TUSC3: variants seen among roughly 807,000 people sequenced by gnomAD.
TUSC3 encodes dolichyl-diphosphooligosaccharide--protein glycosyltransferase subunit TUSC3.
In TUSC3, 45 loss-of-function variants were observed where a neutral mutation model predicts 44.8. The ratio of observed to expected loss-of-function variants is 1.00; its 90% CI spans 0.79 to 1.29. The LOEUF is 1.29. TUSC3 is among the 50% of genes most tolerant of loss of function. TUSC3 has a pLI of 0.00. For missense variants in TUSC3, 519 were observed against 437.9 expected (o/e 1.19, Z -1.65); for synonymous variants, 212 against 152.9 (o/e 1.39, Z -2.85).
intron 1 of TUSC3, among the ~76,000 whole-genome samples, chr8:15,616,169 G>C (rs1216742016): frequency 6.8e-6 from 1 of 147,318 alleles, no homozygotes; most frequent in African/African-American, 2.5e-5. Context: ...TAAAAGTAGA[G>C]ATCTTGATTT....
chr8:15,710,681 G>A (rs1809804679), intron 6 of TUSC3, among the ~76,000 whole-genome samples: 1 of 151,562 alleles, frequency 6.6e-6, no homozygotes, highest in Non-Finnish European at 1.5e-5. Flanking sequence ...CACCTTTGTA[G>A]CAAGATTCCC....
the TUSC3 span, among the ~76,000 whole-genome samples, chr8:15,844,036 C>T: frequency 7.9e-5 from 12 of 152,072 alleles, no homozygotes; most frequent in African/African-American, 1.7e-4. Flanking sequence ...TCAATTTCAG[C>T]GAATCTGTAA....
chr8:15,533,248 C>A (rs1801475112), intron 2 of TUSC3, among the ~76,000 whole-genome samples: 1 of 152,154 alleles, frequency 6.6e-6, no homozygotes, highest in Non-Finnish European at 1.5e-5. Context: ...CTTTTTCTTC[C>A]CGGTCTTGGG....
chr8:15,477,222 T>C (rs1424462731), intron 1 of TUSC3, among the ~76,000 whole-genome samples: 4 of 152,188 alleles, frequency 2.6e-5, no homozygotes, highest in Non-Finnish European at 5.9e-5. Flanking sequence ...CTCAATTCCA[T>C]TGACCAAATT....
intron 7 of TUSC3, chr8:15,733,479 A>G (rs1810806580): frequency 3.0e-6 from 1 of 332,070 alleles, no homozygotes; most frequent in African/African-American, 2.2e-5. Context: ...AGCTGTGTTG[A>G]GATCATCCTT....
chr8:15,761,334 G>C (rs1344191748), intron 10 of TUSC3, among the ~76,000 whole-genome samples: 1 of 152,170 alleles, frequency 6.6e-6, no homozygotes, highest in Non-Finnish European at 1.5e-5. Context: ...TGTGTAAACA[G>C]TCTCTCTGCA....
At chr8:15,502,768 G>A (rs1303799225) in intron 2 of TUSC3, among the ~76,000 whole-genome samples, 1 of 152,210 alleles carries the variant, frequency 6.6e-6, no homozygotes. Flanking sequence ...TGGGATTACA[G>A]GCATGAGCTA....
chr8:15,589,494 G>A (rs759107057), intron 1 of TUSC3, among the ~76,000 whole-genome samples: 1 of 151,952 alleles, frequency 6.6e-6, no homozygotes, highest in Non-Finnish European at 1.5e-5. Context: ...TATAAAGAGG[G>A]GTTTAACATG....
chr8:15,815,229 T>C, the TUSC3 span, among the ~76,000 whole-genome samples: 3 of 151,962 alleles, frequency 2.0e-5, no homozygotes, highest in Non-Finnish European at 2.9e-5. Flanking sequence ...ATATGAAAGA[T>C]AGATAGACTA....
the TUSC3 span, among the ~76,000 whole-genome samples, chr8:15,846,134 G>A: frequency 2.0e-5 from 3 of 152,128 alleles, no homozygotes; most frequent in Admixed American, 6.6e-5. Flanking sequence ...CACAACATGT[G>A]GGAATTCTGG....
At chr8:15,473,409 A>G (rs1256309169) in intron 1 of TUSC3, among the ~76,000 whole-genome samples, 1 of 152,216 alleles carries the variant, frequency 6.6e-6, no homozygotes. Context: ...ATACTATAGA[A>G]AAAACTTGGC....
chr8:15,540,979 A>C (rs906616463), intron 1 of TUSC3, among the ~76,000 whole-genome samples: 1 of 152,230 alleles, frequency 6.6e-6, no homozygotes, highest in African/African-American at 2.4e-5. Context: ...CCATTTCAAG[A>C]AGCAACAGAA....
chr8:15,588,674 G>C (rs1160025632), intron 1 of TUSC3, among the ~76,000 whole-genome samples: 1 of 152,082 alleles, frequency 6.6e-6, no homozygotes, highest in East Asian at 1.9e-4. Context: ...TCTTCTAGTA[G>C]TTTTATAGTT....
the TUSC3 span, among the ~76,000 whole-genome samples, chr8:15,795,833 G>T: frequency 6.6e-6 from 1 of 152,132 alleles, no homozygotes; most frequent in African/African-American, 2.4e-5. Context: ...ATTTTGGAGG[G>T]ACTGCATGAG....
intron 1 of TUSC3, among the ~76,000 whole-genome samples, chr8:15,433,966 G>A (rs1007302470): frequency 2.6e-5 from 4 of 151,918 alleles, no homozygotes; most frequent in East Asian, 1.9e-4. Context: ...ATTTTTGGAC[G>A]GTAAACAAAT....
chr8:15,636,425 C>T (rs1283977878), intron 2 of TUSC3, among the ~76,000 whole-genome samples: 3 of 152,084 alleles, frequency 2.0e-5, no homozygotes, highest in African/African-American at 4.8e-5. Flanking sequence ...GCCTGGTGGA[C>T]GCTTAATACC....
chr8:15,656,479 A>C (rs1453644851), intron 3 of TUSC3, among the ~76,000 whole-genome samples: 1 of 152,236 alleles, frequency 6.6e-6, no homozygotes, highest in East Asian at 1.9e-4. Flanking sequence ...CCAAAAACTG[A>C]CTGGGAAAAC....
chr8:15,443,084 G>C (rs575615720), intron 1 of TUSC3, among the ~76,000 whole-genome samples: 93 of 152,128 alleles, frequency 6.1e-4, no homozygotes, highest in Non-Finnish European at 1.2e-3. Flanking sequence ...GTTCAGCTCA[G>C]TTGTATACTG....
chr8:15,532,755 C>G (rs1239774084), intron 2 of TUSC3, among the ~76,000 whole-genome samples: 1 of 152,142 alleles, frequency 6.6e-6, no homozygotes, highest in African/African-American at 2.4e-5. Flanking sequence ...GGGGGCAGGT[C>G]TTTCCTGTGC....
Sources: allele counts gnomAD v4.1 joint callset (sites outside exome capture counted in the v4.1 genomes callset), GRCh38; gene constraint gnomAD v4.1.1; transcripts MANE v1.5; gene names NCBI Gene and HGNC (gene_info 2026-07-23, HGNC 2026-07-21).